Variants in CFAP299 observed in about 807,000 individuals in gnomAD.
The protein encoded by CFAP299 is cilia- and flagella-associated protein 299.
A neutral mutation model predicts 27.0 loss-of-function variants in CFAP299; 21 were observed. The observed-to-expected ratio is 0.78, with a 90% confidence interval of 0.55 to 1.12. CFAP299 has a LOEUF of 1.12. CFAP299 is among the 50% of genes most tolerant of loss of function. The probability of loss-of-function intolerance (pLI) is 0.00; values close to 1 mark genes in which losing one functional copy is unlikely to be tolerated. For missense variants in CFAP299, 310 were observed against 276.6 expected, an observed-to-expected ratio of 1.12 and a Z score of -0.86; for synonymous variants, 104 against 98.1, an observed-to-expected ratio of 1.06 and a Z score of -0.36.
At chr4:80,804,286 C>T (rs1728755088) in intron 3 of CFAP299, among the ~76,000 whole-genome samples, 1 of 152,098 alleles carries the variant, frequency 6.6e-6, no homozygotes. Flanking sequence ...TTTCCCAATT[C>T]CCATTATCCC....
chr4:80,485,729 A>C (rs1005302418), intron 2 of CFAP299, among the ~76,000 whole-genome samples: 1 of 152,192 alleles, frequency 6.6e-6, no homozygotes, highest in African/African-American at 2.4e-5. Flanking sequence ...TGAAGCAAAT[A>C]TGTCAATGTT....
At chr4:80,483,367 C>T (rs188681337) in intron 2 of CFAP299, among the ~76,000 whole-genome samples, 2 of 151,812 alleles carry the variant, frequency 1.3e-5, no homozygotes, top group Non-Finnish European at 2.9e-5. Context: ...AAACTAATAA[C>T]ACCAGATGTA....
At chr4:80,866,271 T>C (rs1222049752) in intron 3 of CFAP299, among the ~76,000 whole-genome samples, 2 of 151,292 alleles carry the variant, frequency 1.3e-5, no homozygotes, top group Non-Finnish European at 2.9e-5. Context: ...TGGTTGAAAA[T>C]TTAAAAAAAT....
chr4:80,830,674 T>G (rs1730253144), intron 3 of CFAP299, among the ~76,000 whole-genome samples: 1 of 152,068 alleles, frequency 6.6e-6, no homozygotes, highest in Non-Finnish European at 1.5e-5. Context: ...GTTAGATCAC[T>G]CTGGCAGCAG....
rs1273102510 is a variant in CFAP299, at chr4:80,390,807, G to GTATA, written c.242+27924_242+27927dup. On this transcript the variant is annotated intron_variant, in intron 2 of 5. Transcript: ENST00000358105. ...TACACATATATGTATATGTATATATGTATACACACATATATGTATATGTAT... is the reference window on the plus strand; with the variant it reads ...TACACATATATGTATATGTATATATGTATATATACACACATATATGTATATGTAT... Among the ~76,000 whole-genome samples the GTATA allele has an allele frequency of 5.7e-3, 662 of 116,310 alleles. 2 individuals are homozygous for GTATA. Among genetic ancestry groups the GTATA allele is most frequent in the African/African-American group, 0.015 (465 of 30,980 alleles). The allele number at this position is 116,310 out of a possible 152,430, so 76.3% of individuals were successfully genotyped here.
intron 2 of CFAP299, among the ~76,000 whole-genome samples, chr4:80,552,807 C>T (rs1437906135): frequency 6.6e-6 from 1 of 152,024 alleles, no homozygotes; most frequent in East Asian, 1.9e-4. Flanking sequence ...TCCACCTCAG[C>T]CTCTCAAGTA....
Position 80,645,670 on chromosome 4 carries a change from A to T in CFAP299, c.333+62487A>T, listed in dbSNP as rs1164098504. Among the ~76,000 whole-genome samples the T allele has an allele frequency of 2.0e-5, 3 of 152,170 alleles. No homozygotes were observed. In the South Asian group the frequency reaches 6.2e-4, roughly 31 times the overall value. On this transcript the variant is annotated intron_variant, in intron 3 of 5. Coordinates refer to ENST00000358105, the MANE Select transcript of CFAP299 (RefSeq NM_152770.3). ...GCATGCCATCTAACTTATAATGCAA[A>T]ATAACTAGGAAAAAAGGAAGAACTG...
chr4:80,614,796 C>T (rs1314421725), intron 3 of CFAP299, among the ~76,000 whole-genome samples: 1 of 152,192 alleles, frequency 6.6e-6, no homozygotes, highest in Non-Finnish European at 1.5e-5. Flanking sequence ...ACAATGCTTA[C>T]ACATGTTGTT....
At chr4:80,549,095 A>G (rs971877245) in intron 2 of CFAP299, among the ~76,000 whole-genome samples, 2 of 152,138 alleles carry the variant, frequency 1.3e-5, no homozygotes, top group African/African-American at 2.4e-5. Context: ...AAAATCTATT[A>G]AGACAGGTTT....
At chr4:80,924,538 G>GTGTATGTA (rs5859742) in intron 4 of CFAP299, among the ~76,000 whole-genome samples, 1 of 131,670 alleles carries the variant, frequency 7.6e-6, no homozygotes, top group Non-Finnish European at 1.6e-5. Flanking sequence ...GTGTGTGTGT[G>GTGTATGTA]TATATATATA....
At chr4:80,686,323 A>G (rs1276826875) in intron 3 of CFAP299, among the ~76,000 whole-genome samples, 1 of 152,220 alleles carries the variant, frequency 6.6e-6, no homozygotes, top group African/African-American at 2.4e-5. Flanking sequence ...GAGGGCTTAG[A>G]GAGCAGAAGA....
intron 3 of CFAP299, among the ~76,000 whole-genome samples, chr4:80,688,827 C>G (rs1453060316): frequency 3.3e-5 from 5 of 151,734 alleles, no homozygotes; most frequent in African/African-American, 9.7e-5. Flanking sequence ...ACTAGAATAA[C>G]CAATACAGAG....
At chr4:80,717,890 A>G (rs1424247905) in intron 3 of CFAP299, among the ~76,000 whole-genome samples, 2 of 152,134 alleles carry the variant, frequency 1.3e-5, no homozygotes, top group African/African-American at 2.4e-5. Flanking sequence ...CCCATTTCAC[A>G]AAGATGTTTT....
At chr4:80,910,344 G>A (rs1288663316) in intron 4 of CFAP299, among the ~76,000 whole-genome samples, 2 of 152,070 alleles carry the variant, frequency 1.3e-5, no homozygotes, top group African/African-American at 4.8e-5. Flanking sequence ...ATATGTAAAG[G>A]AATATAAATC....
At chr4:80,937,256 C>A (rs571324763) in intron 4 of CFAP299, among the ~76,000 whole-genome samples, 2 of 121,412 alleles carry the variant, frequency 1.6e-5, no homozygotes, top group South Asian at 5.5e-4. Context: ...CTATTTTTTT[C>A]TTTTTTGGTT....
At chr4:80,636,120 A>G (rs1030257050) in intron 3 of CFAP299, among the ~76,000 whole-genome samples, 2 of 152,158 alleles carry the variant, frequency 1.3e-5, no homozygotes, top group African/African-American at 2.4e-5. Context: ...TATATCTCAG[A>G]AGGATTAAAA....
At chr4:80,685,020 T>G (rs1464654024) in intron 3 of CFAP299, among the ~76,000 whole-genome samples, 1 of 152,208 alleles carries the variant, frequency 6.6e-6, no homozygotes, top group Non-Finnish European at 1.5e-5. Flanking sequence ...TTACATATAA[T>G]TTAAATATAT....
chr4:80,372,587 T>C (rs1166482061), intron 2 of CFAP299, among the ~76,000 whole-genome samples: 1 of 152,234 alleles, frequency 6.6e-6, no homozygotes, highest in Non-Finnish European at 1.5e-5. Flanking sequence ...AGTAAGGCTG[T>C]AGTATATCAG....
chr4:80,691,835 A>C (rs560855756), intron 3 of CFAP299, among the ~76,000 whole-genome samples: 22 of 152,240 alleles, frequency 1.4e-4, no homozygotes, highest in East Asian at 5.8e-4. Context: ...TGATAAGCAA[A>C]TTCAGCAAAG....
Sources: gnomAD v4.1 joint callset for allele counts (sites outside exome capture counted in the v4.1 genomes callset) on GRCh38, gnomAD v4.1.1 for gene constraint, MANE v1.5 for transcripts, NCBI Gene and HGNC (gene_info 2026-07-23, HGNC 2026-07-21) for gene names.